Variants in ATAD2B observed in about 807,000 individuals in gnomAD.
ATAD2B encodes the protein ATPase family AAA domain-containing protein 2B.
Under a neutral mutation model 167.6 loss-of-function variants are expected in ATAD2B, and 40 were observed. The ratio of observed to expected loss-of-function variants is 0.24; its 90% CI spans 0.19 to 0.31. The LOEUF (loss-of-function observed/expected upper bound fraction) is 0.31, where lower values mean the gene tolerates loss of function less well. Among genes scored for constraint, ATAD2B ranks in the 10% least tolerant of loss-of-function variants. The pLI is 1.00. For synonymous variants in ATAD2B, 579 were observed against 596.5 expected (o/e 0.97, Z 0.43); for missense variants, 1,242 against 1,757.2 (o/e 0.71, Z 5.24).
At chr2:23,767,803 T>G (rs1003556005) in intron 22 of ATAD2B, among the ~76,000 whole-genome samples, 2 of 151,564 alleles carry the variant, frequency 1.3e-5, no homozygotes, top group African/African-American at 4.9e-5. Flanking sequence ...ATAAAGTAGA[T>G]AAGAGGGTAA....
chr2:23,711,362 T>C, the ATAD2B span, among the ~76,000 whole-genome samples: 13 of 109,976 alleles, frequency 1.2e-4, no homozygotes, highest in South Asian at 6.6e-4. Context: ...TTTTTTTTTT[T>C]TTTTTTTTTT....
chr2:23,879,778 T>C (rs909578859), intron 7 of ATAD2B, among the ~76,000 whole-genome samples: 10 of 152,020 alleles, frequency 6.6e-5, no homozygotes, highest in East Asian at 1.9e-4. Context: ...CCCTAGGCCG[T>C]GCACAGTGGC....
chr2:23,728,318 T>C, the ATAD2B span, among the ~76,000 whole-genome samples: 1 of 152,088 alleles, frequency 6.6e-6, no homozygotes, highest in African/African-American at 2.4e-5. Context: ...GGAAATAAAA[T>C]ATGCATGTAC....
intron 19 of ATAD2B, among the ~76,000 whole-genome samples, chr2:23,795,870 C>T (rs1335445335): frequency 6.7e-6 from 1 of 149,770 alleles, no homozygotes; most frequent in Non-Finnish European, 1.5e-5. Flanking sequence ...CTGAGTGAGA[C>T]TCCATCTCAA....
chr2:23,858,489 CT>C (rs34177847), intron 12 of ATAD2B, among the ~76,000 whole-genome samples: 17,023 of 134,268 alleles, frequency 0.13, 990 homozygotes, highest in Middle Eastern at 0.23. Context: ...CTGTCTCATT[CT>C]TTTTTTTTTT....
chr2:23,685,794 G>C, the ATAD2B span, among the ~76,000 whole-genome samples: 1 of 152,230 alleles, frequency 6.6e-6, no homozygotes, highest in African/African-American at 2.4e-5. Flanking sequence ...ACCAGGCCAG[G>C]GAGGACTCTG....
At chr2:23,909,441 T>TAC (rs1251232912) in intron 1 of ATAD2B, among the ~76,000 whole-genome samples, 2 of 142,774 alleles carry the variant, frequency 1.4e-5, no homozygotes, top group African/African-American at 5.9e-5. Context: ...CATACATACA[T>TAC]ATATATATAT....
At chr2:23,782,588 T>C (rs1032002329) in intron 22 of ATAD2B, among the ~76,000 whole-genome samples, 1 of 152,222 alleles carries the variant, frequency 6.6e-6, no homozygotes, top group Non-Finnish European at 1.5e-5. Flanking sequence ...CCTGCAATTG[T>C]TGACTAATAT....
chr2:23,920,625 G>A (rs574336038), intron 1 of ATAD2B, among the ~76,000 whole-genome samples: 4 of 152,108 alleles, frequency 2.6e-5, no homozygotes, highest in Admixed American at 1.3e-4. Flanking sequence ...GGCACTTACG[G>A]CCTACTCTAA....
chr2:23,788,810 G>T (rs1681203951), intron 19 of ATAD2B, among the ~76,000 whole-genome samples, 163 bp from the exon 20 acceptor site: 1 of 151,914 alleles, frequency 6.6e-6, no homozygotes, highest in Non-Finnish European at 1.5e-5. Context: ...GCTGTTGAAG[G>T]GTTCAACCGC....
At chr2:23,688,087 G>A in the ATAD2B span, among the ~76,000 whole-genome samples, 1 of 152,152 alleles carries the variant, frequency 6.6e-6, no homozygotes, top group Non-Finnish European at 1.5e-5. Context: ...CGGTAGAGTG[G>A]ACAGGTGTGG....
Position 23,786,038 on chromosome 2 carries a change from C to G in ATAD2B, c.2962G>C (p.Asp988His). 2 of 1,611,188 alleles carry G rather than the reference C, an allele frequency of 1.2e-6. No individual in the cohort carries two copies. Among genetic ancestry groups the G allele is most frequent in the Non-Finnish European group, 1.7e-6 (2 of 1,178,558 alleles). The change falls in exon 21 of 28, where the codon GAT becomes CAT. Residue 988 changes from aspartate (D) to histidine (H), a missense_variant. By Grantham distance (81) the Asp-to-His change is moderately conservative. Transcript: ENST00000238789. ...TACTGAAACAAGACCTCTTCAATAT[C>G]CACCGGTTTGCTGAAGATGTTAAAG... ...KRFNIFSKPV[D>H]IEEVSDYLEV...
intron 10 of ATAD2B, 54 bp downstream of exon 10, chr2:23,867,781 G>T: frequency 7.7e-7 from 1 of 1,305,384 alleles, no homozygotes; most frequent in Non-Finnish European, 1.1e-6. Context: ...TTAGAAACAA[G>T]AAAAAAACTT....
At chr2:23,776,096 C>T (rs908968758) in intron 22 of ATAD2B, among the ~76,000 whole-genome samples, 9 of 152,102 alleles carry the variant, frequency 5.9e-5, no homozygotes, top group African/African-American at 1.9e-4. Flanking sequence ...AGCCTGGCAA[C>T]AGAGCAAGAC....
Position 23,859,292 on chromosome 2 carries a change from C to CTTAT in ATAD2B, c.1480-1793_1480-1790dup, listed in dbSNP as rs535903874. On this transcript the variant is annotated intron_variant, in intron 12 of 27. Transcript: ENST00000238789. ...TTTGCTTAGTGAGTTCTAGAAGCTA[C>CTTAT]TTATTTATTTATTTATTTATTTATT... is the stretch of plus-strand genomic sequence containing the variant. 8.3e-3 allele frequency among the ~76,000 whole-genome samples: 1,267 copies of CTTAT among 151,958 alleles called. 9 individuals carry two copies. The highest frequency in any genetic ancestry group is 0.024 in the Middle Eastern group (7 of 294).
At chr2:23,828,730 G>T in intron 15 of ATAD2B, 119 bp downstream of exon 15, 1 of 620,868 alleles carries the variant, frequency 1.6e-6, no homozygotes. Flanking sequence ...CATAAAGGTA[G>T]AGACAATCTA....
intron 25 of ATAD2B, 83 bp downstream of exon 25, chr2:23,757,335 T>C (rs1345812103): frequency 9.6e-7 from 1 of 1,038,380 alleles, no homozygotes; most frequent in Non-Finnish European, 1.4e-6. Context: ...CATCAACTAT[T>C]ACTACTGGGA....
Position 23,880,646 on chromosome 2 carries a change from A to T in ATAD2B, c.894T>A (p.Pro298=). Reference sequence around the variant, plus strand: ...TTATTTAGAGTTGCCTACCTATTGGAGGTGCTTGGTATCGATCCACTGTTT... The same window carrying T: ...TTATTTAGAGTTGCCTACCTATTGGTGGTGCTTGGTATCGATCCACTGTTT... ...QRKTVDRYQA[P]PIVPAHQKKR... The change falls in exon 7 of 28, where the codon CCT becomes CCA. Residue 298 remains proline, a synonymous_variant. Coordinates refer to ENST00000238789, the MANE Select transcript of ATAD2B (RefSeq NM_017552.4). 1 of 1,586,510 alleles carries T rather than the reference A, an allele frequency of 6.3e-7. No homozygotes were observed. The highest frequency in any genetic ancestry group is 8.6e-7 in the Non-Finnish European group (1 of 1,160,314).
the ATAD2B span, chr2:23,693,581 C>T: frequency 3.4e-5 from 52 of 1,511,908 alleles, no homozygotes; most frequent in African/African-American, 5.7e-4. Flanking sequence ...GGTCCCCCTG[C>T]GGCAATGGGG....
Sources: allele counts gnomAD v4.1 joint callset (sites outside exome capture counted in the v4.1 genomes callset), GRCh38; gene constraint gnomAD v4.1.1; transcripts MANE v1.5; gene names NCBI Gene and HGNC (gene_info 2026-07-23, HGNC 2026-07-21).